Variants in GPR160 observed in about 807,000 individuals in gnomAD.
The protein encoded by GPR160 is probable G protein-coupled receptor 160.
GPR160 carries 2 observed loss-of-function variants against 2.6 expected under a neutral mutation model. That is an observed-to-expected ratio of 0.77 (90% CI 0.32 to 2.44). The LOEUF (loss-of-function observed/expected upper bound fraction) is 2.44, where lower values mean the gene tolerates loss of function less well. GPR160 is among the 30% of genes most tolerant of loss of function. GPR160 has a pLI of 0.11. For synonymous variants in GPR160, 130 were observed against 132.2 expected (o/e 0.98, Z 0.12); for missense variants, 351 against 383.6 (o/e 0.91, Z 0.71).
intron 2 of GPR160, among the ~76,000 whole-genome samples, chr3:170,078,218 G>C (rs986866337): frequency 1.3e-5 from 2 of 152,126 alleles, no homozygotes; most frequent in African/African-American, 4.8e-5. Context: ...TCATGCACAA[G>C]GGCAATGGGG....
At chr3:170,069,405 A>G (rs1339187072) in intron 2 of GPR160, among the ~76,000 whole-genome samples, 1 of 152,132 alleles carries the variant, frequency 6.6e-6, no homozygotes, top group African/African-American at 2.4e-5. Context: ...TATGTGATTC[A>G]CCTGAGGATT....
chr3:170,084,986 TTAA>T lies in GPR160; in HGVS notation c.1017_*2del, dbSNP rs1483641217. 1 of 1,365,010 alleles carries T rather than the reference TTAA, an allele frequency of 7.3e-7. No individual in the cohort carries two copies. The highest frequency in any genetic ancestry group is 2.4e-5 in the East Asian group (1 of 42,340). 84.6% of individuals were successfully genotyped at this position (1,365,010 alleles called of 1,614,324 possible). On this transcript the variant is annotated stop_lost and inframe_deletion, in exon 4 of 4. Coordinates refer to ENST00000355897, the MANE Select transcript of GPR160 (RefSeq NM_014373.3). ...AAAAGCCTATATCAATAATGATTTGTTAATATTATTAATTAAAAGTTACAGCTG... is the reference window on the plus strand; with the variant it reads ...AAAAGCCTATATCAATAATGATTTGTTATTATTAATTAAAAGTTACAGCTG...
intron 2 of GPR160, among the ~76,000 whole-genome samples, chr3:170,054,792 CTT>C (rs1711547969): frequency 6.8e-6 from 1 of 147,748 alleles, no homozygotes; most frequent in Admixed American, 6.8e-5. Context: ...ATCAGAATTT[CTT>C]TTCTTTTTTT....
At chr3:170,062,569 C>A in intron 2 of GPR160, 1 of 836,572 alleles carries the variant, frequency 1.2e-6, no homozygotes, top group Non-Finnish European at 2.0e-6. Flanking sequence ...GGAGAGGACC[C>A]CTCGCACCTT....
intron 3 of GPR160, among the ~76,000 whole-genome samples, chr3:170,081,633 A>G (rs556568541): frequency 1.0e-3 from 153 of 152,220 alleles, no homozygotes; most frequent in Admixed American, 1.8e-3. Flanking sequence ...TTATAAACTC[A>G]TATCAGGGTG....
chr3:170,061,231 C>T (rs534207525), intron 2 of GPR160, among the ~76,000 whole-genome samples: 7 of 150,382 alleles, frequency 4.7e-5, no homozygotes, highest in East Asian at 2.0e-4. Context: ...GCCGATATGG[C>T]GCCACTGCAC....
chr3:170,084,312 C>G lies in GPR160; in HGVS notation c.340C>G (p.Leu114Val). The change falls in exon 4 of 4, where the codon CTG (leucine) becomes GTG (valine). Residue 114 changes from leucine (L) to valine (V), a missense_variant. Physicochemically the swap from Leu to Val is conservative, Grantham distance 32 (BLOSUM62 1). Coordinates refer to ENST00000355897, the MANE Select transcript of GPR160 (RefSeq NM_014373.3). ...TYGFLHYPVF[L>V]TACIDYCLNF... ...TGGCTTTTTGCATTATCCAGTTTTC[C>G]TGACAGCTTGTATAGATTATTGCCT... The G allele has an allele frequency of 6.2e-7, 1 of 1,609,014 alleles. No individual in the cohort carries two copies. Among genetic ancestry groups the G allele is most frequent in the Non-Finnish European group, 8.5e-7 (1 of 1,176,840 alleles).
intron 2 of GPR160, among the ~76,000 whole-genome samples, chr3:170,053,960 GT>G (rs1381297017): frequency 2.6e-4 from 36 of 139,010 alleles, no homozygotes; most frequent in African/African-American, 4.7e-4. Context: ...TTGGTTTTTT[GT>G]TTTTTTTTTT....
chr3:170,078,985 G>A (rs1712999064), intron 2 of GPR160, among the ~76,000 whole-genome samples: 1 of 152,196 alleles, frequency 6.6e-6, no homozygotes, highest in South Asian at 2.1e-4. Flanking sequence ...AGGACGTGTA[G>A]GGGAATTTAT....
intron 2 of GPR160, among the ~76,000 whole-genome samples, chr3:170,074,945 G>T (rs1423135872): frequency 2.0e-5 from 3 of 152,012 alleles, no homozygotes; most frequent in Non-Finnish European, 2.9e-5. Flanking sequence ...TCAGAAGAGG[G>T]CCGGGTGCAG....
intron 2 of GPR160, among the ~76,000 whole-genome samples, chr3:170,054,908 C>T (rs1711552613): frequency 6.6e-6 from 1 of 152,040 alleles, no homozygotes; most frequent in African/African-American, 2.4e-5. Flanking sequence ...ATTCTCCTGC[C>T]TCAGCCTCCC....
intron 2 of GPR160, among the ~76,000 whole-genome samples, chr3:170,073,356 G>T (rs967026925): frequency 6.6e-6 from 1 of 152,004 alleles, no homozygotes; most frequent in Non-Finnish European, 1.5e-5. Flanking sequence ...TTTTGTGTAT[G>T]GTGTAAGGTA....
rs776570089 is a variant in GPR160, at chr3:170,084,835, T to C, written c.863T>C (p.Ile288Thr). Residue 288 changes from isoleucine to threonine, a missense_variant, in exon 4 of 4, where the codon ATT (isoleucine) becomes ACT (threonine). Coordinates refer to ENST00000355897, the MANE Select transcript of GPR160 (RefSeq NM_014373.3). ...TTATACTTTGTCAATAGTTTTCTCA[T>C]TGCTACAGTGTATTGGTTTAATTGT... ...PWLYFVNSFLIATVYWFNCHK... is the reference protein window; with the variant it reads ...PWLYFVNSFLTATVYWFNCHK... 5.6e-6 allele frequency: 9 copies of C among 1,610,280 alleles called. No individual in the cohort carries two copies. In the South Asian group the frequency reaches 9.9e-5, roughly 18 times the overall value.
At chr3:170,049,939 A>C (rs1716881341) in intron 2 of GPR160, 1 of 152,208 alleles carries the variant, frequency 6.6e-6, no homozygotes, top group Non-Finnish European at 1.5e-5. Context: ...GATTGCTGCC[A>C]AGCTTGTTTT....
At chr3:170,059,588 A>G (rs1342620894) in intron 2 of GPR160, among the ~76,000 whole-genome samples, 1 of 152,212 alleles carries the variant, frequency 6.6e-6, no homozygotes, top group Non-Finnish European at 1.5e-5. Context: ...TTCTGTATTC[A>G]ATCACAGGAG....
chr3:170,057,548 C>CT (rs564531342), intron 2 of GPR160: 79 of 152,346 alleles, frequency 5.2e-4, no homozygotes, highest in African/African-American at 1.6e-3. Context: ...GGGAGAATAA[C>CT]TAAGTTTCTT....
At chr3:170,070,690 A>G (rs1712546512) in intron 2 of GPR160, among the ~76,000 whole-genome samples, 1 of 152,112 alleles carries the variant, frequency 6.6e-6, no homozygotes. Flanking sequence ...TCAGCATCAC[A>G]ATGAGGTTTT....
At chr3:170,061,339 T>G (rs1711943666) in intron 2 of GPR160, among the ~76,000 whole-genome samples, 1 of 151,508 alleles carries the variant, frequency 6.6e-6, no homozygotes, top group African/African-American at 2.4e-5. Flanking sequence ...TAAAAGAGAC[T>G]AACAAGACAT....
chr3:170,075,502 T>C (rs996920006), intron 2 of GPR160, among the ~76,000 whole-genome samples: 1 of 152,192 alleles, frequency 6.6e-6, no homozygotes, highest in East Asian at 1.9e-4. Context: ...TTCTTGCTCA[T>C]ACTATACACC....
Sources: gnomAD v4.1 joint callset for allele counts (sites outside exome capture counted in the v4.1 genomes callset) on GRCh38, gnomAD v4.1.1 for gene constraint, MANE v1.5 for transcripts, NCBI Gene and HGNC (gene_info 2026-07-23, HGNC 2026-07-21) for gene names.